Variants in CHKA observed in about 807,000 individuals in gnomAD.
The protein encoded by CHKA is CHETK-alpha.
In CHKA, 34 loss-of-function variants were observed where a neutral mutation model predicts 60.1. That is an observed-to-expected ratio of 0.57 (90% CI 0.43 to 0.75). The LOEUF (loss-of-function observed/expected upper bound fraction) is 0.75, where lower values mean the gene tolerates loss of function less well. Ranked by LOEUF, CHKA falls within the 30% of genes least tolerant of loss-of-function variation. The pLI is 0.00. For synonymous variants in CHKA, 217 were observed against 223.1 expected, an observed-to-expected ratio of 0.97 and a Z score of 0.24; for missense variants, 563 against 561.3, an observed-to-expected ratio of 1.00 and a Z score of -0.03.
Position 68,121,356 on chromosome 11 carries a change from G to A in CHKA, c.-179C>T, listed in dbSNP as rs991224406. 15 of 267,628 alleles carry A rather than the reference G, an allele frequency of 5.6e-5. No homozygotes were observed. Among genetic ancestry groups the A allele is most frequent in the Non-Finnish European group, 6.5e-5 (11 of 169,064 alleles). 16.6% of individuals were successfully genotyped at this position (267,628 alleles called of 1,614,324 possible). On this transcript the variant is annotated 5_prime_UTR_variant, in exon 1 of 12. Coordinates refer to ENST00000265689, the MANE Select transcript of CHKA (RefSeq NM_001277.3). The stretch of plus-strand genomic sequence containing the variant: ...GGCGACTGCGGCGACTGTGGAGCGG[G>A]GATGTGCTGCTGGCCGCTGCACTCG...
chr11:68,102,982 A>T (rs79160037), intron 1 of CHKA, among the ~76,000 whole-genome samples: 89,832 of 151,104 alleles, frequency 0.59, 26,790 homozygotes, highest in East Asian at 0.78. Flanking sequence ...TAAAAAAAAA[A>T]AAATATATTT....
At chr11:68,113,081 CAA>C (rs71040587) in intron 1 of CHKA, among the ~76,000 whole-genome samples, 7 of 14,546 alleles carry the variant, frequency 4.8e-4, no homozygotes, top group African/African-American at 1.2e-3. Context: ...GACTCCGTCT[CAA>C]AAAAAAAAAA....
At chr11:68,097,635 C>CCA (rs530636530) in intron 1 of CHKA, among the ~76,000 whole-genome samples, 3 of 111,880 alleles carry the variant, frequency 2.7e-5, no homozygotes, top group African/African-American at 1.1e-4. Context: ...GACTCCGTCT[C>CCA]AAAAAAAAAA....
At position 68,061,908 on chromosome 11, in the gene CHKA, G is replaced by T. The variant is rs1336370926; in HGVS notation, c.1314+45C>A. On this transcript the variant is annotated intron_variant, in intron 11 of 11. Coordinates refer to ENST00000265689, the MANE Select transcript of CHKA (RefSeq NM_001277.3). ...CACAAATACTATAGCATTTTTACCT[G>T]GGAGTAGGAAGAAAAAAAAAAACAA... is the stretch of plus-strand genomic sequence containing the variant. 3.9e-6 allele frequency: 5 copies of T among 1,289,584 alleles called. No homozygotes were observed. In the African/African-American group the frequency reaches 4.5e-5, roughly 12 times the overall value. The allele number at this position is 1,289,584 out of a possible 1,614,324, so 79.9% of individuals were successfully genotyped here.
rs1265250494 is a variant in CHKA at position 68,120,997 on chromosome 11, G to T, written c.181C>A (p.Pro61Thr). 3.9e-5 allele frequency: 44 copies of T among 1,120,048 alleles called. No individual in the cohort carries two copies. Among genetic ancestry groups the T allele is most frequent in the Non-Finnish European group, 4.6e-5 (42 of 916,988 alleles). The allele number at this position is 1,120,048 out of a possible 1,614,324, so 69.4% of individuals were successfully genotyped here. A position where few individuals can be genotyped will look rare whatever the true frequency, so the allele number is the denominator to read the frequency against. ...AGCGGCAGCGGCAGCGGCAGCGGCG[G>T]CGGAGGGGGCAGCGCGAGCGGCGGC... ...QQPPLALPPP[P>T]PLPLPLPLPQ... The change falls in exon 1 of 12, where the codon CCG (proline) becomes ACG (threonine). Residue 61 changes from proline (P) to threonine (T), a missense_variant. By Grantham distance (38) the Pro-to-Thr change is conservative. Transcript: ENST00000265689.
chr11:68,066,555 T>A, intron 7 of CHKA, 39 bp from the exon 8 acceptor site: 1 of 1,495,152 alleles, frequency 6.7e-7, no homozygotes, highest in South Asian at 1.1e-5. Context: ...TGTTTTACAA[T>A]AGAAGGCTCA....
chr11:68,070,623 G>A (rs1856586081), intron 5 of CHKA, 101 bp downstream of exon 5: 1 of 1,284,592 alleles, frequency 7.8e-7, no homozygotes. Context: ...CAGTGAACTA[G>A]GAAGACCTCT....
intron 1 of CHKA, among the ~76,000 whole-genome samples, chr11:68,117,085 C>T (rs1858415815): frequency 6.6e-6 from 1 of 152,126 alleles, no homozygotes; most frequent in African/African-American, 2.4e-5. Context: ...AATAAACACA[C>T]ACACAAACGT....
At chr11:68,085,576 A>T (rs1857152650) in intron 2 of CHKA, among the ~76,000 whole-genome samples, 1 of 152,154 alleles carries the variant, frequency 6.6e-6, no homozygotes, top group South Asian at 2.1e-4. Flanking sequence ...TAAATTCCTG[A>T]AAGTCTGAAT....
chr11:68,095,453 A>G (rs866395398), intron 2 of CHKA, among the ~76,000 whole-genome samples: 9 of 142,700 alleles, frequency 6.3e-5, no homozygotes, highest in Non-Finnish European at 1.2e-4. Context: ...GCTCACACCT[A>G]TAATCCCAGC....
chr11:68,111,611 T>C (rs570404478), intron 1 of CHKA, among the ~76,000 whole-genome samples: 4 of 152,166 alleles, frequency 2.6e-5, no homozygotes, highest in South Asian at 2.1e-4. Context: ...CAGTGTGGTA[T>C]TGGCAAAAGA....
intron 1 of CHKA, among the ~76,000 whole-genome samples, chr11:68,108,616 C>A (rs367749535): frequency 6.6e-6 from 1 of 152,026 alleles, no homozygotes; most frequent in Admixed American, 6.6e-5. Context: ...TGGTGGCGGG[C>A]GCCTGTAGTC....
intron 10 of CHKA, among the ~76,000 whole-genome samples, chr11:68,063,262 G>C (rs922974709): frequency 6.6e-6 from 1 of 152,128 alleles, no homozygotes; most frequent in Admixed American, 6.6e-5. Context: ...ACTTTGGGGG[G>C]CCAAGGCAGG....
intron 1 of CHKA, among the ~76,000 whole-genome samples, chr11:68,118,986 T>G (rs1858499447): frequency 6.6e-6 from 1 of 152,182 alleles, no homozygotes; most frequent in African/African-American, 2.4e-5. Flanking sequence ...GTTCAGGCTT[T>G]GAAGGCAGTA....
intron 4 of CHKA, 116 bp from the exon 5 acceptor site, chr11:68,070,973 GC>G (rs1360601963): frequency 6.2e-6 from 6 of 967,156 alleles, no homozygotes; most frequent in Non-Finnish European, 7.6e-6. Flanking sequence ...CTCACCCAAT[GC>G]CCCAAATTCC....
At position 68,097,084 on chromosome 11, in the gene CHKA, T is replaced by C; in HGVS notation, c.397A>G (p.Thr133Ala). Residue 133 changes from threonine to alanine, a missense_variant, in exon 2 of 12, where the codon ACA becomes GCA. Thr to Ala is a moderately conservative substitution (Grantham distance 58). Coordinates refer to ENST00000265689, the MANE Select transcript of CHKA (RefSeq NM_001277.3). ...MLFQCSLPDT[T>A]ATLGDEPRKV... ...CGAGGCTCATCACCAAGGGTGGCTG[T>C]GGTGTCAGGTAGGGAGCACTGGAAC... 1 of 1,613,856 alleles carries C rather than the reference T, an allele frequency of 6.2e-7. No individual in the cohort carries two copies. The highest frequency in any genetic ancestry group is 8.5e-7 in the Non-Finnish European group (1 of 1,179,900).
intron 4 of CHKA, among the ~76,000 whole-genome samples, chr11:68,072,550 T>TA (rs10708078): frequency 0.022 from 2,467 of 112,688 alleles, 43 homozygotes; most frequent in African/African-American, 0.054. Context: ...GACCCTATCT[T>TA]AAAAAAAAAA....
intron 1 of CHKA, among the ~76,000 whole-genome samples, chr11:68,098,185 C>G (rs1331869292): frequency 4.7e-5 from 7 of 148,498 alleles, no homozygotes; most frequent in African/African-American, 1.7e-4. Context: ...GCAGAAGAAT[C>G]GCTTGAACCC....
At chr11:68,064,668 T>G in intron 9 of CHKA, 37 bp from the exon 10 acceptor site, 1 of 1,235,898 alleles carries the variant, frequency 8.1e-7, no homozygotes. Context: ...TCAATGATGG[T>G]TAAAATAGAC....
Sources: allele counts gnomAD v4.1 joint callset (sites outside exome capture counted in the v4.1 genomes callset), GRCh38; gene constraint gnomAD v4.1.1; transcripts MANE v1.5; gene names NCBI Gene and HGNC (gene_info 2026-07-23, HGNC 2026-07-21).